The following PREX2 variants were observed in gnomAD, a reference collection of about 807,000 sequenced individuals.
PREX2 encodes phosphatidylinositol 3,4,5-trisphosphate-dependent Rac exchanger 2 protein.
PREX2 carries 107 observed loss-of-function variants against 203.2 expected under a neutral mutation model. The observed-to-expected ratio is 0.53, with a 90% CI of 0.45 to 0.62. The LOEUF (loss-of-function observed/expected upper bound fraction) is 0.62. PREX2 is among the 20% of genes least tolerant of loss of function. The probability of loss-of-function intolerance (pLI) is 0.00; values close to 1 mark genes in which losing one functional copy is unlikely to be tolerated. For synonymous variants in PREX2, 672 were observed against 663.6 expected, an observed-to-expected ratio of 1.01 and a Z score of -0.19; for missense variants, 1,777 against 1,955.9, an observed-to-expected ratio of 0.91 and a Z score of 1.72.
intron 30 of PREX2, among the ~76,000 whole-genome samples, chr8:68,126,230 C>G (rs1810882923): frequency 6.6e-6 from 1 of 152,034 alleles, no homozygotes; most frequent in Non-Finnish European, 1.5e-5. Context: ...GAAATATTTT[C>G]TAGTCTCATT....
chr8:68,152,085 C>T (rs1266385449), intron 34 of PREX2, among the ~76,000 whole-genome samples: 1 of 151,458 alleles, frequency 6.6e-6, no homozygotes, highest in African/African-American at 2.4e-5. Flanking sequence ...GTCAGGAAAT[C>T]GTAGCCATCC....
intron 34 of PREX2, among the ~76,000 whole-genome samples, chr8:68,147,530 C>G (rs35746610): frequency 5.9e-5 from 9 of 152,074 alleles, no homozygotes; most frequent in African/African-American, 2.2e-4. Flanking sequence ...CCATGTGAGA[C>G]TTGCCCTTCA....
intron 18 of PREX2, among the ~76,000 whole-genome samples, chr8:68,086,768 T>C (rs1809707122): frequency 6.6e-6 from 1 of 152,168 alleles, no homozygotes; most frequent in East Asian, 1.9e-4. Context: ...TTAATGTAGA[T>C]TCATTGGAAT....
chr8:68,016,161 A>G (rs1481609615), intron 1 of PREX2, among the ~76,000 whole-genome samples: 1 of 152,222 alleles, frequency 6.6e-6, no homozygotes, highest in Non-Finnish European at 1.5e-5. Flanking sequence ...AAAATTAGAA[A>G]GTGTACAAAG....
chr8:68,144,843 C>T (rs1223090441), intron 33 of PREX2, among the ~76,000 whole-genome samples: 2 of 152,092 alleles, frequency 1.3e-5, no homozygotes, highest in South Asian at 2.1e-4. Context: ...TCCTTGATTC[C>T]TAATATAACA....
chr8:68,110,272 T>C (rs765515111), intron 25 of PREX2, among the ~76,000 whole-genome samples: 4 of 152,216 alleles, frequency 2.6e-5, no homozygotes, highest in Non-Finnish European at 5.9e-5. Flanking sequence ...GTTTGTCATA[T>C]CATGGTATAG....
At chr8:68,206,020 GA>G (rs1368158969) in intron 37 of PREX2, among the ~76,000 whole-genome samples, 4 of 152,154 alleles carry the variant, frequency 2.6e-5, no homozygotes, top group Non-Finnish European at 5.9e-5. Flanking sequence ...TATAAATGCT[GA>G]GACCAAGCTT....
At position 68,236,516 on chromosome 8, in the gene PREX2, A is replaced by G. The variant is rs942811476; in HGVS notation, c.*5138A>G. The G allele has an allele frequency of 1.3e-4, 20 of 152,154 alleles. No homozygotes were observed. The highest frequency in any genetic ancestry group is 1.3e-3 in the Admixed American group (20 of 15,270). The allele number at this position is 152,154 out of a possible 1,614,324, so 9.4% of individuals were successfully genotyped here. ...GTAACACAAACCTAATATCATATAT[A>G]CAAATATACTGTATGTAGCCAAGAA... On this transcript the variant is annotated 3_prime_UTR_variant, in exon 40 of 40. Coordinates refer to ENST00000288368, the MANE Select transcript of PREX2 (RefSeq NM_024870.4).
intron 21 of PREX2, 99 bp from the exon 22 acceptor site, chr8:68,096,918 A>C: frequency 1.0e-6 from 1 of 956,642 alleles, no homozygotes; most frequent in Non-Finnish European, 1.6e-6. Flanking sequence ...ACCATCCCTT[A>C]AAGAACTCTT....
chr8:68,118,597 G>A lies in PREX2; in HGVS notation c.3374G>A (p.Cys1125Tyr). ...RNSIASFTSI[C>Y]SSQCSSYFHS... is the part of the protein sequence containing the mutation. The stretch of plus-strand genomic sequence containing the variant: ...TCCATCGCCTCCTTCACCAGCATCT[G>A]CAGCAGCCAGTGCAGCTCGTATTTC... Residue 1125 changes from cysteine to tyrosine, a missense_variant, in exon 27 of 40, where the codon TGC (cysteine) becomes TAC (tyrosine). By Grantham distance (194) the Cys-to-Tyr change is radical. Transcript: ENST00000288368. 6.2e-7 allele frequency: 1 copy of A among 1,614,082 alleles called. No individual in the cohort carries two copies. Among genetic ancestry groups the A allele is most frequent in the Non-Finnish European group, 8.5e-7 (1 of 1,179,960 alleles).
intron 37 of PREX2, among the ~76,000 whole-genome samples, chr8:68,203,025 G>A (rs558912900): frequency 6.6e-6 from 1 of 152,226 alleles, no homozygotes; most frequent in Admixed American, 6.5e-5. Context: ...CTCACATTGA[G>A]GGTGAATCTT....
At position 68,010,717 on chromosome 8, in the gene PREX2, CCT is replaced by C. The variant is rs538740342; in HGVS notation, c.142-7128_142-7127del. On this transcript the variant is annotated intron_variant, in intron 1 of 39. Transcript: ENST00000288368. ...TGCTCACCACAGAGCTGAACTCCAC[CCT>C]GAGGAGACATCCTGTATCTGTATGT... Among the ~76,000 whole-genome samples the C allele has an allele frequency of 2.9e-3, 444 of 152,252 alleles. 7 individuals carry two copies. Among genetic ancestry groups the C allele is most frequent in the Middle Eastern group, 0.014 (4 of 294 alleles).
rs143804080 is a variant in PREX2 at position 68,104,579 on chromosome 8, A to G, written c.2716-3530A>G. Among the ~76,000 whole-genome samples, 681 of 152,310 alleles carry G rather than the reference A, an allele frequency of 4.5e-3. 5 individuals carry two copies. Among genetic ancestry groups the G allele is most frequent in the African/African-American group, 0.016 (655 of 41,578 alleles). On this transcript the variant is annotated intron_variant, in intron 23 of 39. Transcript: ENST00000288368. ...TCATCCTGGTTACAACTGGTAATCC[A>G]TTCTTCAGTTCACCTCTGAAACTTC...
rs1448802880 is a variant in PREX2, at chr8:68,059,736, G to T, written c.1239-943G>T. Among the ~76,000 whole-genome samples the T allele has an allele frequency of 3.9e-5, 6 of 152,254 alleles. No individual in the cohort carries two copies. In the East Asian group the frequency reaches 1.2e-3, roughly 29 times the overall value. On this transcript the variant is annotated intron_variant, in intron 10 of 39. Coordinates refer to ENST00000288368, the MANE Select transcript of PREX2 (RefSeq NM_024870.4). ...GGGGCTCTTAGATTGAGGCTCTGGG[G>T]AAAAGTTCAGTGCCAAGCTTATTCA... is the stretch of plus-strand genomic sequence containing the variant.
At chr8:68,020,826 T>G (rs1452874824) in intron 3 of PREX2, among the ~76,000 whole-genome samples, 1 of 152,224 alleles carries the variant, frequency 6.6e-6, no homozygotes, top group Non-Finnish European at 1.5e-5. Flanking sequence ...ATCCATTTCC[T>G]TAGTAACACC....
intron 9 of PREX2, among the ~76,000 whole-genome samples, chr8:68,054,033 C>A (rs903887969): frequency 2.0e-5 from 3 of 152,140 alleles, no homozygotes; most frequent in Admixed American, 1.3e-4. Flanking sequence ...TCTGGAGACC[C>A]AAGAATAAAA....
chr8:68,042,635 C>A (rs1808231600), intron 7 of PREX2, among the ~76,000 whole-genome samples: 1 of 151,956 alleles, frequency 6.6e-6, no homozygotes, highest in African/African-American at 2.4e-5. Flanking sequence ...GTGACCATTG[C>A]AACACATAAT....
chr8:68,133,615 A>G (rs947551496), intron 31 of PREX2, among the ~76,000 whole-genome samples: 2 of 152,314 alleles, frequency 1.3e-5, no homozygotes, highest in East Asian at 3.9e-4. Context: ...GAGTAGGTTT[A>G]GTTGTTAATT....
chr8:67,977,916 C>CT (rs1289054495), intron 1 of PREX2, among the ~76,000 whole-genome samples: 2 of 152,152 alleles, frequency 1.3e-5, no homozygotes, highest in African/African-American at 4.8e-5. Context: ...TTACCTGTAT[C>CT]TTTTGTAATA....
Sources: gnomAD v4.1 joint callset for allele counts (sites outside exome capture counted in the v4.1 genomes callset) on GRCh38, gnomAD v4.1.1 for gene constraint, MANE v1.5 for transcripts, NCBI Gene and HGNC (gene_info 2026-07-23, HGNC 2026-07-21) for gene names.